DAB1: variants seen among roughly 807,000 people sequenced by gnomAD.
The protein encoded by DAB1 is DAB adaptor protein 1.
Under a neutral mutation model 64.6 loss-of-function variants are expected in DAB1, and 15 were observed. The ratio of observed to expected loss-of-function variants is 0.23; its 90% CI spans 0.16 to 0.36. The LOEUF (loss-of-function observed/expected upper bound fraction) is 0.36, where lower values mean the gene tolerates loss of function less well. DAB1 is among the 10% of genes least tolerant of loss of function. The pLI, the probability that DAB1 is intolerant of heterozygous loss-of-function variation, is 1.00. For synonymous variants in DAB1, 235 were observed against 251.9 expected, an observed-to-expected ratio of 0.93 and a Z score of 0.64; for missense variants, 596 against 706.7, an observed-to-expected ratio of 0.84 and a Z score of 1.78.
chr1:57,329,040 A>T (rs908618742), intron 1 of DAB1, among the ~76,000 whole-genome samples: 1 of 152,242 alleles, frequency 6.6e-6, no homozygotes, highest in African/African-American at 2.4e-5. Context: ...ATCTTCCTGC[A>T]TTAGAAAATA....
chr1:57,908,475 C>T (rs982512136), intron 5 of DAB1, among the ~76,000 whole-genome samples: 3 of 152,156 alleles, frequency 2.0e-5, no homozygotes, highest in East Asian at 1.9e-4. Flanking sequence ...CCCCTCCTCC[C>T]GCATCCTGAT....
chr1:57,448,830 G>C (rs2101149073), intron 7 of DAB1, among the ~76,000 whole-genome samples: 1 of 151,978 alleles, frequency 6.6e-6, no homozygotes, highest in South Asian at 2.1e-4. Flanking sequence ...TGGTAACACT[G>C]ATTAAGAATA....
chr1:57,358,545 A>C, intron 1 of DAB1, among the ~76,000 whole-genome samples: 1 of 152,114 alleles, frequency 6.6e-6, no homozygotes, highest in South Asian at 2.1e-4. Flanking sequence ...ATGTTGTTAA[A>C]ATGACCATAC....
intron 4 of DAB1, among the ~76,000 whole-genome samples, chr1:58,339,349 A>G (rs1663196807): frequency 6.6e-6 from 1 of 152,218 alleles, no homozygotes; most frequent in South Asian, 2.1e-4. Flanking sequence ...ACAGCAATGA[A>G]CACAATGTTA....
chr1:58,378,333 G>A (rs1250116891), intron 3 of DAB1, among the ~76,000 whole-genome samples: 1 of 92,424 alleles, frequency 1.1e-5, no homozygotes, highest in Non-Finnish European at 2.3e-5. Flanking sequence ...GGTCTTTGAT[G>A]ATGGTGATGT....
At chr1:58,280,904 T>C (rs1226411738) in intron 4 of DAB1, among the ~76,000 whole-genome samples, 1 of 152,124 alleles carries the variant, frequency 6.6e-6, no homozygotes, top group African/African-American at 2.4e-5. Context: ...TTAGAGACCG[T>C]AAGAGCAAAA....
chr1:57,224,648 T>C lies in DAB1; in HGVS notation c.67+66316A>G, dbSNP rs1331334351. Reference sequence around the variant, plus strand: ...TCTGGAGCTCAATTATTTCCCTTCATCCTGGTTAACGTAATCACTGTGGCA... The same window carrying C: ...TCTGGAGCTCAATTATTTCCCTTCACCCTGGTTAACGTAATCACTGTGGCA... On this transcript the variant is annotated intron_variant, in intron 2 of 14. Coordinates refer to ENST00000371236, the MANE Select transcript of DAB1 (RefSeq NM_001365792.1). Among the ~76,000 whole-genome samples, 2 of 152,246 alleles carry C rather than the reference T, an allele frequency of 1.3e-5. 1 individual carries two copies. Among genetic ancestry groups the C allele is most frequent in the Non-Finnish European group, 2.9e-5 (2 of 68,038 alleles).
chr1:58,216,391 G>C (rs1658856555), intron 4 of DAB1, among the ~76,000 whole-genome samples: 1 of 152,146 alleles, frequency 6.6e-6, no homozygotes, highest in African/African-American at 2.4e-5. Context: ...AGTATTCCAT[G>C]GTGAATATGT....
chr1:57,077,707 T>C (rs1652117967), intron 4 of DAB1, among the ~76,000 whole-genome samples: 1 of 152,192 alleles, frequency 6.6e-6, no homozygotes, highest in African/African-American at 2.4e-5. Flanking sequence ...AAGACTTAAT[T>C]TGTAGTATGG....
At chr1:58,306,425 C>T (rs984466138) in intron 4 of DAB1, among the ~76,000 whole-genome samples, 3 of 152,202 alleles carry the variant, frequency 2.0e-5, no homozygotes, top group African/African-American at 7.2e-5. Flanking sequence ...TTGATAATCA[C>T]AGGACGCTTT....
At chr1:57,691,839 A>C (rs1646768433) in intron 6 of DAB1, among the ~76,000 whole-genome samples, 1 of 152,066 alleles carries the variant, frequency 6.6e-6, no homozygotes, top group Admixed American at 6.5e-5. Context: ...TTCGCTTGCT[A>C]TTCTGTCCTA....
At chr1:58,187,907 G>T (rs72908450) in intron 4 of DAB1, among the ~76,000 whole-genome samples, 2,415 of 126,088 alleles carry the variant, frequency 0.019, 62 homozygotes, top group African/African-American at 0.068. Context: ...TGTGAGATAA[G>T]AATTTTTTTT....
intron 3 of DAB1, among the ~76,000 whole-genome samples, chr1:58,486,782 T>A (rs1374610039): frequency 1.3e-5 from 2 of 152,040 alleles, no homozygotes; most frequent in Admixed American, 1.3e-4. Flanking sequence ...CCTAAAGAAC[T>A]GAGGGAAGAA....
chr1:57,970,064 AC>A (rs1645761129), intron 5 of DAB1, among the ~76,000 whole-genome samples: 1 of 152,192 alleles, frequency 6.6e-6, no homozygotes, highest in South Asian at 2.1e-4. Flanking sequence ...ATGTGAGGAC[AC>A]AGAGAGAAGG....
intron 6 of DAB1, among the ~76,000 whole-genome samples, chr1:57,782,334 A>C (rs1650140610): frequency 6.6e-6 from 1 of 152,196 alleles, no homozygotes; most frequent in Non-Finnish European, 1.5e-5. Flanking sequence ...CAGGTGACAC[A>C]GTCAAAGACA....
At chr1:58,080,113 G>C (rs930266413) in intron 5 of DAB1, 2 of 152,186 alleles carry the variant, frequency 1.3e-5, no homozygotes, top group African/African-American at 2.4e-5. Context: ...ACAGGTATTT[G>C]AGAAATGTAC....
At chr1:57,698,487 T>A (rs1191167048) in intron 6 of DAB1, among the ~76,000 whole-genome samples, 1 of 152,178 alleles carries the variant, frequency 6.6e-6, no homozygotes, top group Non-Finnish European at 1.5e-5. Context: ...AGCGGCTTCA[T>A]GTGTCACCAC....
At chr1:57,606,376 C>CTATATATATATATATATA (rs58167700) in intron 7 of DAB1, among the ~76,000 whole-genome samples, 6 of 117,922 alleles carry the variant, frequency 5.1e-5, no homozygotes, top group African/African-American at 1.6e-4. Context: ...CATTCTAATC[C>CTATATATATATATATATA]TATATATATA....
chr1:57,888,614 C>T (rs1644261263), upstream of DAB1, among the ~76,000 whole-genome samples: 1 of 152,158 alleles, frequency 6.6e-6, no homozygotes. Flanking sequence ...TTCTTCTCTA[C>T]CTTGATGACT....
Sources: gnomAD v4.1 joint callset for allele counts (sites outside exome capture counted in the v4.1 genomes callset) on GRCh38, gnomAD v4.1.1 for gene constraint, MANE v1.5 for transcripts, NCBI Gene and HGNC (gene_info 2026-07-23, HGNC 2026-07-21) for gene names.